RAD21: variants seen among roughly 807,000 people sequenced by gnomAD.
The protein encoded by RAD21 is RAD21 cohesin complex component.
A neutral mutation model predicts 71.5 loss-of-function variants in RAD21; 18 were observed. That is an observed-to-expected ratio of 0.25 (90% CI 0.17 to 0.37). The LOEUF is 0.37. RAD21 is among the 10% of genes least tolerant of loss of function. The probability of loss-of-function intolerance (pLI) is 1.00; values close to 1 mark genes in which losing one functional copy is unlikely to be tolerated. For synonymous variants in RAD21, 248 were observed against 254.0 expected, an observed-to-expected ratio of 0.98 and a Z score of 0.22; for missense variants, 493 against 769.1, an observed-to-expected ratio of 0.64 and a Z score of 4.25.
intron 4 of RAD21, among the ~76,000 whole-genome samples, chr8:116,859,358 T>C (rs542853027): frequency 2.7e-4 from 41 of 152,294 alleles, no homozygotes; most frequent in African/African-American, 9.1e-4. Flanking sequence ...TTCATTATTA[T>C]ATTTGTTATG....
At chr8:116,852,406 C>T (rs974163680) in intron 10 of RAD21, 143 bp downstream of exon 10, 19 of 899,498 alleles carry the variant, frequency 2.1e-5, no homozygotes, top group Admixed American at 3.1e-5. Context: ...TTAAATAAGG[C>T]AATCAGATCC....
chr8:116,873,461 A>G (rs960936178), intron 1 of RAD21, among the ~76,000 whole-genome samples: 3 of 152,184 alleles, frequency 2.0e-5, no homozygotes, highest in Non-Finnish European at 4.4e-5. Context: ...TGTCTCCAAA[A>G]TTCTATAGAC....
At position 116,849,012 on chromosome 8, in the gene RAD21, C is replaced by A. The variant is rs1420284854; in HGVS notation, c.1638G>T (p.Gly546=). ...DEEEEDEDAS[G]GDQDQEERRW... ...TTCTTTCTTCCTGATCTTGATCGCC[C>A]CCTGATGCATCTTCATCCTGAATAA... The change falls in exon 13 of 14, where the codon GGG becomes GGT. Residue 546 remains glycine, a synonymous_variant. Coordinates refer to ENST00000297338, the MANE Select transcript of RAD21 (RefSeq NM_006265.3). The A allele has an allele frequency of 1.6e-5, 25 of 1,593,004 alleles. No homozygotes were observed. Among genetic ancestry groups the A allele is most frequent in the Non-Finnish European group, 2.1e-5 (25 of 1,170,352 alleles).
chr8:116,850,767 G>C lies in RAD21; in HGVS notation c.1471C>G (p.Pro491Ala), dbSNP rs1812333655. ...GQIDPEPVMP[P>A]QQVEQMEIPP... is the part of the protein sequence containing the mutation. Reference sequence around the variant, plus strand: ...ATTTCCATCTGCTCTACCTGCTGAGGCTTAAAGCAATACAAATAAGACAAT... The same window carrying C: ...ATTTCCATCTGCTCTACCTGCTGAGCCTTAAAGCAATACAAATAAGACAAT... The change falls in exon 12 of 14, where the codon CCT (proline) becomes GCT (alanine). Residue 491 changes from proline (P) to alanine (A), a missense_variant and splice_region_variant. Pro to Ala is a conservative substitution (Grantham distance 27). This residue lies in a region of RAD21 where 225 missense variants were observed against 218.3 expected (regional missense o/e 1.03). Coordinates refer to ENST00000297338, the MANE Select transcript of RAD21 (RefSeq NM_006265.3). 4.5e-6 allele frequency: 7 copies of C among 1,572,224 alleles called. No individual in the cohort carries two copies. The highest frequency in any genetic ancestry group is 6.1e-6 in the Non-Finnish European group (7 of 1,143,162).
intron 2 of RAD21, among the ~76,000 whole-genome samples, chr8:116,864,955 C>G (rs16889013): frequency 0.012 from 1,840 of 152,178 alleles, 38 homozygotes; most frequent in African/African-American, 0.043. Flanking sequence ...AAAAAGTATG[C>G]AAGCTTGCAG....
chr8:116,869,967 C>G (rs989160973), intron 1 of RAD21, among the ~76,000 whole-genome samples: 2 of 152,102 alleles, frequency 1.3e-5, no homozygotes, highest in African/African-American at 4.8e-5. Context: ...ATTTTAGTTA[C>G]GCGTATCACA....
At chr8:116,867,165 GA>G (rs1201467841) in intron 1 of RAD21, among the ~76,000 whole-genome samples, 1 of 152,098 alleles carries the variant, frequency 6.6e-6, no homozygotes, top group Non-Finnish European at 1.5e-5. Flanking sequence ...TCCATTTTTA[GA>G]ATGCCATTAA....
At chr8:116,851,658 A>G (rs757065830) in intron 11 of RAD21, 18 of 253,300 alleles carry the variant, frequency 7.1e-5, no homozygotes, top group Non-Finnish European at 1.1e-4. Context: ...GTGTGCAGGA[A>G]TGTTTGCCAA....
At chr8:116,858,969 G>C (rs1464194394) in intron 4 of RAD21, among the ~76,000 whole-genome samples, 1 of 151,700 alleles carries the variant, frequency 6.6e-6, no homozygotes, top group Admixed American at 6.6e-5. Context: ...GACCAAGTCT[G>C]TACAAAAAAT....
At chr8:116,850,847 T>G in intron 11 of RAD21, 80 bp from the exon 12 acceptor site, 1 of 989,488 alleles carries the variant, frequency 1.0e-6, no homozygotes, top group Non-Finnish European at 1.5e-6. Context: ...ACACAGTGGC[T>G]GAAGTTTTCT....
intron 13 of RAD21, among the ~76,000 whole-genome samples, chr8:116,848,187 G>GA (rs1563686979): frequency 2.0e-5 from 3 of 152,086 alleles, no homozygotes; most frequent in Non-Finnish European, 4.4e-5. Context: ...TTGGTTACTG[G>GA]AAAAAACAAA....
At chr8:116,865,263 T>C (rs370869161) in intron 2 of RAD21, among the ~76,000 whole-genome samples, 2 of 152,282 alleles carry the variant, frequency 1.3e-5, no homozygotes, top group South Asian at 4.1e-4. Flanking sequence ...TACTCGTTTG[T>C]AGTGTCCCTA....
chr8:116,846,887 C>G lies in RAD21; in HGVS notation c.*613G>C, dbSNP rs368908390. The G allele has an allele frequency of 2.8e-5, 6 of 215,776 alleles. No individual in the cohort carries two copies. The highest frequency in any genetic ancestry group is 1.3e-4 in the African/African-American group (6 of 44,506). The allele number at this position is 215,776 out of a possible 1,614,324, so 13.4% of individuals were successfully genotyped here. On this transcript the variant is annotated 3_prime_UTR_variant, in exon 14 of 14. Transcript: ENST00000297338. ...CAAAATAGAACACTTTAAACCAGGT[C>G]AGTCCTATCTTTTTGTAGCTGAAGG...
chr8:116,857,351 G>T lies in RAD21; in HGVS notation c.604C>A (p.Leu202Met). The T allele has an allele frequency of 1.2e-6, 2 of 1,612,596 alleles. No homozygotes were observed. The highest frequency in any genetic ancestry group is 1.7e-6 in the Non-Finnish European group (2 of 1,179,534). Residue 202 changes from leucine to methionine, a missense_variant, in exon 6 of 14, where the codon CTG (leucine) becomes ATG (methionine). Around this residue, in one of 5 missense-constraint regions of RAD21, gnomAD observed 165 missense variants for 229.6 expected, o/e 0.72. Transcript: ENST00000297338. ...LLESEQSTSN[L>M]NEKINHLEYE... ...TCTAAATGGTTAATTTTCTCATTCA[G>T]ATTGCTGGTGCTCTGTTCAGACTCT...
At chr8:116,853,395 T>C (rs913760881) in intron 9 of RAD21, among the ~76,000 whole-genome samples, 1 of 152,238 alleles carries the variant, frequency 6.6e-6, no homozygotes, top group African/African-American at 2.4e-5. Context: ...AAACTACTTT[T>C]AATGGCTACA....
chr8:116,854,643 A>T (rs1385684973), intron 8 of RAD21, among the ~76,000 whole-genome samples, 175 bp from the exon 9 acceptor site: 2 of 152,184 alleles, frequency 1.3e-5, no homozygotes, highest in Non-Finnish European at 1.5e-5. Context: ...ACCATTCAGA[A>T]GAGAGGCTGG....
chr8:116,857,175 G>A (rs1812488331), intron 6 of RAD21, 92 bp downstream of exon 6: 2 of 1,107,716 alleles, frequency 1.8e-6, no homozygotes, highest in Non-Finnish European at 2.6e-6. Flanking sequence ...TCTAAAAGCT[G>A]TTCAAGACTC....
At position 116,850,662 on chromosome 8, in the gene RAD21, C is replaced by G. The variant is rs373026310; in HGVS notation, c.1576G>C (p.Glu526Gln). ...TCTTTTTCCTTCTCTTTCTCCTTCT[C>G]TTTTTCTGGCAGAAGTTCTAACTCT... ...IPELELLPEKEKEKEKEKEDD... is the reference protein window; with the variant it reads ...IPELELLPEKQKEKEKEKEDD... Residue 526 changes from glutamate (E) to glutamine (Q), a missense_variant, in exon 12 of 14, where the codon GAG (glutamate) becomes CAG (glutamine). Physicochemically the swap from Glu to Gln is conservative, Grantham distance 29. Transcript: ENST00000297338. 19 of 1,611,440 alleles carry G rather than the reference C, an allele frequency of 1.2e-5. No individual in the cohort carries two copies. In the East Asian group the frequency reaches 1.8e-4, roughly 15 times the overall value.
At chr8:116,854,544 A>C in intron 8 of RAD21, 76 bp from the exon 9 acceptor site, 1 of 1,090,550 alleles carries the variant, frequency 9.2e-7, no homozygotes, top group Non-Finnish European at 1.4e-6. Context: ...ATCTGGACTG[A>C]CTATATTCCC....
Sources: gnomAD v4.1 joint callset for allele counts (sites outside exome capture counted in the v4.1 genomes callset) on GRCh38, gnomAD v4.1.1 for gene constraint, gnomAD v4.1.1 regional missense constraint, MANE v1.5 for transcripts, NCBI Gene and HGNC (gene_info 2026-07-23, HGNC 2026-07-21) for gene names.